The following CADPS variants were observed in gnomAD, a reference collection of about 807,000 sequenced individuals.
CADPS encodes the protein calcium dependent secretion activator, also known as calcium-dependent secretion activator 1.
A neutral mutation model predicts 167.3 loss-of-function variants in CADPS; 57 were observed. The observed-to-expected ratio is 0.34, with a 90% CI of 0.28 to 0.42. The LOEUF (loss-of-function observed/expected upper bound fraction) is 0.42, where lower values mean the gene tolerates loss of function less well. Among genes scored for constraint, CADPS ranks in the 20% least tolerant of loss-of-function variants. The pLI, the probability that CADPS is intolerant of heterozygous loss-of-function variation, is 1.00. For missense variants in CADPS, 1,414 were observed against 1,738.1 expected, an observed-to-expected ratio of 0.81 and a Z score of 3.32; for synonymous variants, 676 against 635.3, an observed-to-expected ratio of 1.06 and a Z score of -0.96.
intron 28 of CADPS, among the ~76,000 whole-genome samples, chr3:62,425,551 T>C (rs2052470825): frequency 6.6e-6 from 1 of 152,198 alleles, no homozygotes; most frequent in African/African-American, 2.4e-5. Flanking sequence ...AAAAAGTACA[T>C]ATGTAGTTCT....
At chr3:62,518,287 A>C in intron 13 of CADPS, 37 bp from the exon 14 acceptor site, 2 of 1,418,198 alleles carry the variant, frequency 1.4e-6, no homozygotes, top group Non-Finnish European at 2.0e-6. Context: ...CGGGAACCTC[A>C]TATGCTGACA....
At chr3:62,756,779 T>G (rs2084027142) in intron 2 of CADPS, among the ~76,000 whole-genome samples, 1 of 152,114 alleles carries the variant, frequency 6.6e-6, no homozygotes, top group Non-Finnish European at 1.5e-5. Context: ...ACAATACGTG[T>G]GAAGACCCCA....
intron 3 of CADPS, among the ~76,000 whole-genome samples, chr3:62,704,111 C>T (rs1169459727): frequency 6.6e-6 from 1 of 152,102 alleles, no homozygotes; most frequent in Non-Finnish European, 1.5e-5. Flanking sequence ...TCTGTGCTTA[C>T]TTGGAGCTTA....
At chr3:62,739,153 C>A (rs1413187387) in intron 3 of CADPS, among the ~76,000 whole-genome samples, 2 of 152,170 alleles carry the variant, frequency 1.3e-5, no homozygotes, top group Non-Finnish European at 2.9e-5. Flanking sequence ...CAGTTCTGAA[C>A]TAAGACTTCC....
chr3:62,399,535 G>C lies in CADPS; in HGVS notation c.3933C>G (p.Asn1311Lys). 6.2e-7 allele frequency: 1 copy of C among 1,614,116 alleles called. No individual in the cohort carries two copies. The highest frequency in any genetic ancestry group is 8.5e-7 in the Non-Finnish European group (1 of 1,179,988). ...RLQGVLDSTL[N>K]SKTYETIRNR... ...TCCGGATCGTTTCATAGGTCTTGCT[G>C]TTTAAGGTGGAGTCCAGGACCCCTT... The change falls in exon 30 of 30, where the codon AAC becomes AAG. Residue 1311 changes from asparagine to lysine, a missense_variant. Asn to Lys is a moderately conservative substitution (Grantham distance 94). Around this residue, in one of 6 missense-constraint regions of CADPS, gnomAD observed 185 missense variants for 251.5 expected, o/e 0.74. Transcript: ENST00000383710. The surrounding 1 kb of genome is among the most constrained non-coding windows in gnomAD (Gnocchi z 5.6).
chr3:62,683,663 C>T (rs948647256), intron 3 of CADPS, among the ~76,000 whole-genome samples: 1 of 151,984 alleles, frequency 6.6e-6, no homozygotes, highest in African/African-American at 2.4e-5. Flanking sequence ...TTCCCAGCAT[C>T]CTTTCTCTGT....
At chr3:62,417,036 C>T (rs1479663031) in intron 28 of CADPS, among the ~76,000 whole-genome samples, 1 of 151,920 alleles carries the variant, frequency 6.6e-6, no homozygotes, top group Non-Finnish European at 1.5e-5. Context: ...CAGGCGTGCA[C>T]CACCGTGCCC....
chr3:62,738,658 G>A (rs1175029846), intron 3 of CADPS, among the ~76,000 whole-genome samples: 3 of 152,008 alleles, frequency 2.0e-5, no homozygotes, highest in Admixed American at 6.5e-5. Flanking sequence ...ACTGGGAGGC[G>A]GAGGTTGCAG....
At chr3:62,718,819 C>T (rs2075183124) in intron 3 of CADPS, among the ~76,000 whole-genome samples, 1 of 152,216 alleles carries the variant, frequency 6.6e-6, no homozygotes, top group Non-Finnish European at 1.5e-5. Flanking sequence ...ATCACATTTC[C>T]TTCCCAGAGT....
intron 2 of CADPS, among the ~76,000 whole-genome samples, chr3:62,765,143 T>C (rs538374015): frequency 1.3e-5 from 2 of 152,200 alleles, no homozygotes; most frequent in African/African-American, 2.4e-5. Flanking sequence ...GCATTGCCAA[T>C]AGGAAGGTAT....
At chr3:62,797,170 G>GT (rs769390523) in intron 1 of CADPS, among the ~76,000 whole-genome samples, 76 of 147,672 alleles carry the variant, frequency 5.1e-4, no homozygotes, top group South Asian at 1.3e-3. Flanking sequence ...TTTGTTTTTT[G>GT]TTTTTTTTCC....
intron 2 of CADPS, among the ~76,000 whole-genome samples, chr3:62,758,257 T>G (rs2084485674): frequency 6.6e-6 from 1 of 152,188 alleles, no homozygotes; most frequent in Admixed American, 6.5e-5. Context: ...GAGAAGACTT[T>G]GAAAAGTGGA....
chr3:62,869,891 G>A (rs1307568892), intron 1 of CADPS, among the ~76,000 whole-genome samples: 1 of 152,128 alleles, frequency 6.6e-6, no homozygotes, highest in African/African-American at 2.4e-5. Context: ...GATAGCTTAC[G>A]ATTGTTTATT....
intron 3 of CADPS, among the ~76,000 whole-genome samples, chr3:62,687,131 G>A (rs947431682): frequency 2.0e-5 from 3 of 152,126 alleles, no homozygotes; most frequent in Non-Finnish European, 4.4e-5. Context: ...TGGAAGACAA[G>A]AGGGATCAAC....
intron 2 of CADPS, among the ~76,000 whole-genome samples, chr3:62,758,895 A>G (rs1424334770): frequency 6.6e-6 from 1 of 152,212 alleles, no homozygotes. Context: ...GACTGTTCAC[A>G]TTACAGATGA....
At chr3:62,823,553 C>T (rs1366502474) in intron 1 of CADPS, among the ~76,000 whole-genome samples, 1 of 152,138 alleles carries the variant, frequency 6.6e-6, no homozygotes, top group Non-Finnish European at 1.5e-5. Flanking sequence ...CTGTAGCTAA[C>T]AGCAGACTTC....
At chr3:62,724,953 A>C (rs1335208378) in intron 3 of CADPS, among the ~76,000 whole-genome samples, 2 of 152,242 alleles carry the variant, frequency 1.3e-5, no homozygotes, top group African/African-American at 4.8e-5. Context: ...CCTGGGTTTG[A>C]ACCCCAGGCA....
At chr3:62,779,479 C>T (rs754033892) in intron 1 of CADPS, 18 of 537,474 alleles carry the variant, frequency 3.3e-5, no homozygotes, top group Non-Finnish European at 6.4e-5. Flanking sequence ...TCAAAATCTG[C>T]CATCTTGGCT....
chr3:62,437,901 G>A (rs1312647598), intron 28 of CADPS, among the ~76,000 whole-genome samples: 1 of 152,086 alleles, frequency 6.6e-6, no homozygotes, highest in Non-Finnish European at 1.5e-5. Context: ...ACACAGATTG[G>A]GACTGAGACA....
Sources: gnomAD v4.1 joint callset for allele counts (sites outside exome capture counted in the v4.1 genomes callset) on GRCh38, gnomAD v4.1.1 for gene constraint, gnomAD v4.1.1 regional missense constraint, Gnocchi (gnomAD v3.1) non-coding constraint, MANE v1.5 for transcripts, NCBI Gene and HGNC (gene_info 2026-07-23, HGNC 2026-07-21) for gene names.